Variants in SNX29 observed in about 807,000 individuals in gnomAD.
SNX29 encodes sorting nexin 29, also known as sorting nexin-29.
In SNX29, 78 loss-of-function variants were observed where a neutral mutation model predicts 102.1. The observed-to-expected ratio is 0.76, with a 90% confidence interval of 0.64 to 0.92. The LOEUF (loss-of-function observed/expected upper bound fraction) is 0.92, where lower values mean the gene tolerates loss of function less well. SNX29 is among the 40% of genes least tolerant of loss of function. SNX29 has a pLI of 0.00. For missense variants in SNX29, 1,280 were observed against 1,061.7 expected (o/e 1.21, Z -2.86); for synonymous variants, 580 against 414.5 (o/e 1.40, Z -4.85).
intron 14 of SNX29, among the ~76,000 whole-genome samples, chr16:12,238,638 G>C (rs1744376700): frequency 6.6e-6 from 1 of 152,196 alleles, no homozygotes; most frequent in Non-Finnish European, 1.5e-5. Flanking sequence ...ATAGGTACTT[G>C]TGAGGAACGT....
intron 13 of SNX29, among the ~76,000 whole-genome samples, chr16:12,165,690 A>G (rs912360097): frequency 2.6e-5 from 4 of 152,184 alleles, no homozygotes; most frequent in African/African-American, 7.2e-5. Context: ...CCTCCCGAGT[A>G]GCTGGGATTA....
chr16:12,476,383 A>AAT (rs1567603099), intron 18 of SNX29, among the ~76,000 whole-genome samples: 130 of 9,472 alleles, frequency 0.014, 5 homozygotes, highest in Non-Finnish European at 0.024. Context: ...AAAAAAAAAA[A>AAT]ATATATATAT....
chr16:12,423,653 C>T (rs1191965963), intron 18 of SNX29, among the ~76,000 whole-genome samples: 1 of 152,164 alleles, frequency 6.6e-6, no homozygotes, highest in Admixed American at 6.5e-5. Context: ...TCACTGCAAA[C>T]TCTGCCTCCC....
intron 14 of SNX29, among the ~76,000 whole-genome samples, chr16:12,241,499 G>T (rs1270933399): frequency 6.0e-5 from 9 of 151,188 alleles, no homozygotes; most frequent in Non-Finnish European, 1.2e-4. Flanking sequence ...TCTCTCTGTT[G>T]CCCAGGCTGG....
rs567096024 is a variant in SNX29, at chr16:12,380,040, A to G, written c.1900-18406A>G. 2.6e-5 allele frequency among the ~76,000 whole-genome samples: 4 copies of G among 152,018 alleles called. No homozygotes were observed. In the South Asian group the frequency reaches 6.2e-4, roughly 24 times the overall value. ...ATGACCTCTTGGTGTTTGAAGACAG[A>G]ACTCCTAAGAATTCCCTCTTACTTT... On this transcript the variant is annotated intron_variant, in intron 16 of 20. Coordinates refer to ENST00000566228, the MANE Select transcript of SNX29 (RefSeq NM_032167.5).
intron 20 of SNX29, among the ~76,000 whole-genome samples, chr16:12,551,630 C>T (rs1051098551): frequency 1.3e-5 from 2 of 152,186 alleles, no homozygotes; most frequent in African/African-American, 4.8e-5. Context: ...GAGGCATCAA[C>T]CCAGCAAGTA....
rs763023551 is a variant in SNX29, at chr16:12,078,899, A to G, written c.1386A>G (p.Pro462=). The change falls in exon 11 of 21, where the codon CCA becomes CCG. Residue 462 remains proline (P), a synonymous_variant. Coordinates refer to ENST00000566228, the MANE Select transcript of SNX29 (RefSeq NM_032167.5). ...GCCTGTTACCTTCTGCCTCAGTGCCAGAGTCCATGACAATTAGTAAGTACT... is the reference window on the plus strand; with the variant it reads ...GCCTGTTACCTTCTGCCTCAGTGCCGGAGTCCATGACAATTAGTAAGTACT... ...LSSLLPSASV[P]ESMTISELRQ... 2.5e-6 allele frequency: 4 copies of G among 1,604,168 alleles called. No individual in the cohort carries two copies. In the East Asian group the frequency reaches 9.0e-5, roughly 36 times the overall value.
At chr16:12,461,997 ATATATATATATATATG>A (rs1330213902) in intron 18 of SNX29, among the ~76,000 whole-genome samples, 1 of 67,752 alleles carries the variant, frequency 1.5e-5, no homozygotes, top group East Asian at 5.8e-4. Flanking sequence ...ATATATATAT[ATATATATATATATATG>A]TATACACACA....
At position 12,570,280 on chromosome 16, in the gene SNX29, G is replaced by A. The variant is rs890893; in HGVS notation, c.*1651G>A. 0.61 allele frequency: 644,071 copies of A among 1,062,798 alleles called. 196,376 individuals are homozygous for A. The highest frequency in any genetic ancestry group is 0.68 in the African/African-American group (41,578 of 60,936). The allele number at this position is 1,062,798 out of a possible 1,614,324, so 65.8% of individuals were successfully genotyped here. On this transcript the variant is annotated 3_prime_UTR_variant, in exon 21 of 21. Coordinates refer to ENST00000566228, the MANE Select transcript of SNX29 (RefSeq NM_032167.5). The stretch of plus-strand genomic sequence containing the variant: ...CATGTATGGAGGTGCGGACCCTGCA[G>A]TCAGTTTGCGAGTGTGGAGGACCCG...
chr16:11,999,845 GA>G (rs2056222919), intron 2 of SNX29, among the ~76,000 whole-genome samples: 1 of 151,906 alleles, frequency 6.6e-6, no homozygotes, highest in Admixed American at 6.6e-5. Context: ...TAGTTGCAGT[GA>G]GCTGAGATTG....
chr16:12,401,521 G>A (rs972908704), intron 17 of SNX29, among the ~76,000 whole-genome samples: 1 of 151,680 alleles, frequency 6.6e-6, no homozygotes, highest in African/African-American at 2.4e-5. Flanking sequence ...GTGCCACCAT[G>A]CCCAGCTAAT....
chr16:12,568,618 G>T lies in SNX29; in HGVS notation c.2431G>T (p.Gly811Cys), dbSNP rs373665690. 12 of 1,603,518 alleles carry T rather than the reference G, an allele frequency of 7.5e-6. 1 individual carries two copies. The highest frequency in any genetic ancestry group is 6.7e-5 in the East Asian group (3 of 44,858). The change falls in exon 21 of 21, where the codon GGT becomes TGT. Residue 811 changes from glycine (G) to cysteine (C), a missense_variant. Gly to Cys is a radical substitution (Grantham distance 159). Transcript: ENST00000566228. ...GACCCGCAACGTGGAGCCCCAGAGC[G>T]GTGACCTCTGACCTCGACAAAACCG... ...RETRNVEPQS[G>C]DL is the part of the protein sequence containing the mutation.
In SNX29 at chr16:12,013,206, G is replaced by A. The variant is rs377592268; in HGVS notation, c.122+10163G>A. On this transcript the variant is annotated intron_variant, in intron 3 of 20. Coordinates refer to ENST00000566228, the MANE Select transcript of SNX29 (RefSeq NM_032167.5). ...TACCATGGAAGCTTTGCATAAAACAGCAAAGCCAAATAGCCAGCAAACATA... is the reference window on the plus strand; with the variant it reads ...TACCATGGAAGCTTTGCATAAAACAACAAAGCCAAATAGCCAGCAAACATA... Among the ~76,000 whole-genome samples the A allele has an allele frequency of 5.3e-4, 81 of 151,742 alleles. 1 individual carries two copies. Among genetic ancestry groups the A allele is most frequent in the East Asian group, 3.1e-3 (16 of 5,120 alleles).
chr16:12,293,721 A>G (rs2079880642), intron 15 of SNX29, among the ~76,000 whole-genome samples: 1 of 152,198 alleles, frequency 6.6e-6, no homozygotes, highest in South Asian at 2.1e-4. Flanking sequence ...GAATATTTGA[A>G]CAGATTAAAA....
At chr16:12,499,542 A>ATT (rs2089003642) in intron 19 of SNX29, among the ~76,000 whole-genome samples, 1 of 152,146 alleles carries the variant, frequency 6.6e-6, no homozygotes, top group African/African-American at 2.4e-5. Flanking sequence ...CGCAGCTGTC[A>ATT]TTTGCCTGAT....
chr16:12,177,340 G>A (rs747604374), intron 13 of SNX29, among the ~76,000 whole-genome samples: 1 of 152,202 alleles, frequency 6.6e-6, no homozygotes, highest in East Asian at 1.9e-4. Flanking sequence ...CTGTAAAGTA[G>A]TAGGAGGAGA....
intron 10 of SNX29, among the ~76,000 whole-genome samples, chr16:12,077,292 T>C (rs1317799722): frequency 2.7e-5 from 4 of 150,526 alleles, no homozygotes; most frequent in African/African-American, 9.8e-5. Flanking sequence ...AAAAAAAAAA[T>C]TGGAAAATGC....
intron 16 of SNX29, among the ~76,000 whole-genome samples, chr16:12,396,898 A>G (rs2083743288): frequency 6.6e-6 from 1 of 152,158 alleles, no homozygotes; most frequent in African/African-American, 2.4e-5. Context: ...AGAAAATACA[A>G]ATTCTCTTAA....
rs11639553 is a variant in SNX29 at position 12,565,534 on chromosome 16, G to T, written c.2319-2972G>T. Among the ~76,000 whole-genome samples the T allele has an allele frequency of 2.6e-3, 398 of 152,156 alleles. 1 individual carries two copies. Among genetic ancestry groups the T allele is most frequent in the African/African-American group, 9.1e-3 (378 of 41,528 alleles). On this transcript the variant is annotated intron_variant, in intron 20 of 20. Coordinates refer to ENST00000566228, the MANE Select transcript of SNX29 (RefSeq NM_032167.5). ...ACATGGCTCTGCTCCACATGGCCTC[G>T]AGGATTGAACCATCCCTGTGTCACA...
Sources: allele counts gnomAD v4.1 joint callset (sites outside exome capture counted in the v4.1 genomes callset), GRCh38; gene constraint gnomAD v4.1.1; transcripts MANE v1.5; gene names NCBI Gene and HGNC (gene_info 2026-07-23, HGNC 2026-07-21).